The following OPCML variants were observed in gnomAD, a reference collection of about 807,000 sequenced individuals.
The protein encoded by OPCML is opioid binding protein/cell adhesion molecule like.
Under a neutral mutation model 37.8 loss-of-function variants are expected in OPCML, and 13 were observed. The ratio of observed to expected loss-of-function variants is 0.34; its 90% CI spans 0.22 to 0.55. OPCML has a LOEUF of 0.55. Among genes scored for constraint, OPCML ranks in the 20% least tolerant of loss-of-function variants. OPCML has a pLI of 0.91. For missense variants in OPCML, 341 were observed against 435.6 expected (o/e 0.78, Z 1.93); for synonymous variants, 176 against 168.8 (o/e 1.04, Z -0.33).
rs751975070 is a variant in OPCML, at chr11:132,675,563, C to T, written c.147-18244G>A. Among the ~76,000 whole-genome samples, 93 of 151,778 alleles carry T rather than the reference C, an allele frequency of 6.1e-4. 1 individual carries two copies. Among genetic ancestry groups the T allele is most frequent in the African/African-American group, 2.2e-3 (91 of 41,400 alleles). ...AGGATTCCACCAAAATAAAAAAACG[C>T]AAGTAGAATGAATAAAGAAATTTAG... On this transcript the variant is annotated intron_variant, in intron 2 of 7. Coordinates refer to ENST00000524381, the MANE Select transcript of OPCML (RefSeq NM_001012393.5).
intron 2 of OPCML, among the ~76,000 whole-genome samples, chr11:132,722,462 T>C (rs1186764875): frequency 1.3e-5 from 2 of 152,098 alleles, no homozygotes; most frequent in African/African-American, 4.8e-5. Context: ...GTTATTGCAA[T>C]CAGCTAGCAC....
At chr11:133,400,669 T>A (rs766353721) in intron 1 of OPCML, among the ~76,000 whole-genome samples, 1 of 152,208 alleles carries the variant, frequency 6.6e-6, no homozygotes, top group Non-Finnish European at 1.5e-5. Context: ...ATAGGCAATA[T>A]TCTAAAGGGA....
At chr11:133,531,416 G>A (rs1224217870) in intron 1 of OPCML, among the ~76,000 whole-genome samples, 2 of 152,142 alleles carry the variant, frequency 1.3e-5, no homozygotes, top group Non-Finnish European at 2.9e-5. Context: ...GGAAGGGGCT[G>A]GGGAGAATCA....
rs143632394 is a variant in OPCML at position 133,295,698 on chromosome 11, G to C, written c.61+236566C>G. Among the ~76,000 whole-genome samples the C allele has an allele frequency of 1.5e-3, 227 of 152,314 alleles. 5 individuals are homozygous for C. The highest frequency in any genetic ancestry group is 0.01 in the Middle Eastern group (3 of 294). Reference sequence around the variant, plus strand: ...GGTTGGCTTGGGTTATTTCATTCTAGATGTTCCTTGCTTCTGAGCTATTTT... The same window carrying C: ...GGTTGGCTTGGGTTATTTCATTCTACATGTTCCTTGCTTCTGAGCTATTTT... On this transcript the variant is annotated intron_variant, in intron 1 of 7. Transcript: ENST00000524381.
At position 133,445,287 on chromosome 11, in the gene OPCML, A is replaced by C. The variant is rs182640436; in HGVS notation, c.61+86977T>G. Among the ~76,000 whole-genome samples the C allele has an allele frequency of 1.4e-3, 220 of 151,854 alleles. 2 individuals are homozygous for C. Among genetic ancestry groups the C allele is most frequent in the African/African-American group, 5.2e-3 (214 of 41,118 alleles). ...GACCACAGACCAATTTCCTCTCTCC[A>C]CATGGGTTTGGGTTAAATGACAAGA... is the stretch of plus-strand genomic sequence containing the variant. On this transcript the variant is annotated intron_variant, in intron 1 of 7. Coordinates refer to ENST00000524381, the MANE Select transcript of OPCML (RefSeq NM_001012393.5).
intron 1 of OPCML, among the ~76,000 whole-genome samples, chr11:133,234,770 G>A (rs752470820): frequency 1.3e-5 from 2 of 152,098 alleles, no homozygotes; most frequent in Non-Finnish European, 2.9e-5. Context: ...AATCACCTGC[G>A]GATCTCTCCA....
chr11:133,359,918 A>T (rs1192132549), intron 1 of OPCML: 3 of 152,234 alleles, frequency 2.0e-5, no homozygotes, highest in Non-Finnish European at 4.4e-5. Context: ...TTATTCATTC[A>T]TTCATTTCTG....
intron 2 of OPCML, among the ~76,000 whole-genome samples, chr11:132,726,656 AGT>A (rs948187289): frequency 1.6e-4 from 24 of 152,152 alleles, no homozygotes; most frequent in African/African-American, 5.5e-4. Flanking sequence ...GGGCAGCGTA[AGT>A]GTGTGTGTGG....
chr11:133,140,838 A>AGAAGACGACGACGAAGAAGAAGAC (rs35099734), intron 1 of OPCML, among the ~76,000 whole-genome samples: 3 of 22,466 alleles, frequency 1.3e-4, no homozygotes, highest in African/African-American at 2.1e-4. Flanking sequence ...ACGACGAAGA[A>AGAAGACGACGACGAAGAAGAAGAC]GACGACGACG....
intron 2 of OPCML, among the ~76,000 whole-genome samples, chr11:132,675,880 A>G (rs997521669): frequency 1.3e-5 from 2 of 152,186 alleles, no homozygotes; most frequent in Non-Finnish European, 2.9e-5. Flanking sequence ...ACTGTTCTAC[A>G]GAGTCGATGC....
At chr11:133,444,675 C>A (rs1214063714) in intron 1 of OPCML, among the ~76,000 whole-genome samples, 1 of 152,184 alleles carries the variant, frequency 6.6e-6, no homozygotes, top group Non-Finnish European at 1.5e-5. Context: ...AATACTAAGT[C>A]AAACAATTGC....
intron 2 of OPCML, among the ~76,000 whole-genome samples, chr11:132,901,057 G>A (rs1276355021): frequency 6.6e-6 from 1 of 152,080 alleles, no homozygotes; most frequent in Non-Finnish European, 1.5e-5. Context: ...GTGCACACCT[G>A]TAGCCCCAGC....
At chr11:133,085,474 G>A (rs150445470) in intron 1 of OPCML, among the ~76,000 whole-genome samples, 170 of 152,290 alleles carry the variant, frequency 1.1e-3, no homozygotes, top group African/African-American at 3.9e-3. Flanking sequence ...GATCCCTTTG[G>A]TACCCAGCAC....
chr11:133,336,461 G>C (rs983298037), intron 1 of OPCML, among the ~76,000 whole-genome samples: 2 of 152,200 alleles, frequency 1.3e-5, no homozygotes, highest in Non-Finnish European at 2.9e-5. Context: ...TATTGAATAA[G>C]TGTATTGCCA....
At chr11:132,755,629 C>T (rs1800511364) in intron 2 of OPCML, among the ~76,000 whole-genome samples, 1 of 152,138 alleles carries the variant, frequency 6.6e-6, no homozygotes, top group Admixed American at 6.6e-5. Flanking sequence ...GGATTCATTT[C>T]TGTAATAAGA....
intron 1 of OPCML, among the ~76,000 whole-genome samples, chr11:133,486,367 C>A (rs953590235): frequency 1.3e-5 from 2 of 152,200 alleles, no homozygotes; most frequent in Non-Finnish European, 2.9e-5. Context: ...TTTTGCATTG[C>A]CAGTTCCAAA....
chr11:133,305,588 G>A (rs971045813), intron 1 of OPCML, among the ~76,000 whole-genome samples: 1 of 152,076 alleles, frequency 6.6e-6, no homozygotes, highest in African/African-American at 2.4e-5. Flanking sequence ...TGTTTTCTAA[G>A]GCCAAATTTT....
intron 7 of OPCML, among the ~76,000 whole-genome samples, chr11:132,425,696 G>A (rs1336902512): frequency 6.6e-6 from 1 of 152,184 alleles, no homozygotes; most frequent in Admixed American, 6.5e-5. Context: ...GGTTCTCAAA[G>A]GTTACTCTCC....
chr11:132,625,695 A>G (rs1939698422), intron 3 of OPCML, among the ~76,000 whole-genome samples: 1 of 152,172 alleles, frequency 6.6e-6, no homozygotes, highest in Non-Finnish European at 1.5e-5. Context: ...AAACCAGACC[A>G]TGAGCTGTTT....
Sources: allele counts gnomAD v4.1 joint callset (sites outside exome capture counted in the v4.1 genomes callset), GRCh38; gene constraint gnomAD v4.1.1; transcripts MANE v1.5; gene names NCBI Gene and HGNC (gene_info 2026-07-23, HGNC 2026-07-21).